The following EGLN2 variants were observed in gnomAD, a reference collection of about 807,000 sequenced individuals.
EGLN2 encodes the protein egl-9 family hypoxia inducible factor 2.
A neutral mutation model predicts 38.2 loss-of-function variants in EGLN2; 15 were observed. That is an observed-to-expected ratio of 0.39 (90% CI 0.26 to 0.60). EGLN2 has a LOEUF of 0.60. EGLN2 is among the 20% of genes least tolerant of loss of function. EGLN2 has a pLI of 0.50. For synonymous variants in EGLN2, 284 were observed against 237.4 expected (o/e 1.20, Z -1.81); for missense variants, 492 against 570.4 (o/e 0.86, Z 1.40).
Position 40,801,024 on chromosome 19 carries a change from G to T in EGLN2, c.452G>T (p.Ser151Ile). The T allele has an allele frequency of 6.2e-7, 1 of 1,613,090 alleles. No homozygotes were observed. Reference protein sequence around the residue: ...NQEAEREGGMSCSCSSGSGEA... With the variant: ...NQEAEREGGMICSCSSGSGEA... ...GAGGCAGAGCGGGAGGGTGGCATGAGCTGCAGCTGCAGCAGTGGCAGTGGT... is the reference window on the plus strand; with the variant it reads ...GAGGCAGAGCGGGAGGGTGGCATGATCTGCAGCTGCAGCAGTGGCAGTGGT... Residue 151 changes from serine to isoleucine, a missense_variant, in exon 2 of 6, where the codon AGC becomes ATC. Physicochemically the swap from Ser to Ile is moderately radical, Grantham distance 142 (BLOSUM62 -2). Coordinates refer to ENST00000303961, the MANE Select transcript of EGLN2 (RefSeq NM_080732.4).
intron 3 of EGLN2, 30 bp downstream of exon 3, chr19:40,806,704 G>T (rs1325144775): frequency 6.2e-7 from 1 of 1,610,060 alleles, no homozygotes; most frequent in Non-Finnish European, 8.5e-7. Context: ...TGAGGGTGGC[G>T]CTGGGGCTAG....
chr19:40,800,638 A>G lies in EGLN2; in HGVS notation c.66A>G (p.Ser22=), dbSNP rs751908056. ...TCCCTCAGTTACCAGGGTCTTCGTC[A>G]GAGCCCTTGGAGCCTGAGCCTGGCC... ...QALPQLPGSS[S]EPLEPEPGRA... Residue 22 remains serine (S), a synonymous_variant, in exon 2 of 6, where the codon TCA becomes TCG. Transcript: ENST00000303961. The G allele has an allele frequency of 3.1e-6, 5 of 1,613,906 alleles. No homozygotes were observed. In the South Asian group the frequency reaches 5.5e-5, roughly 18 times the overall value.
At chr19:40,806,368 G>C (rs777239571) in intron 2 of EGLN2, 187 bp from the exon 3 acceptor site, 18 of 1,210,994 alleles carry the variant, frequency 1.5e-5, no homozygotes, top group Non-Finnish European at 1.9e-5. Context: ...TGAGGTTTCT[G>C]ATAGACTTGG....
At chr19:40,807,788 C>G (rs1273553806) in intron 5 of EGLN2, 21 bp from the exon 6 acceptor site, 4 of 1,613,740 alleles carry the variant, frequency 2.5e-6, no homozygotes, top group Non-Finnish European at 2.5e-6. Context: ...CTCACTGTCT[C>G]CTGTCCCCTC....
chr19:40,804,984 A>G (rs1175673868), intron 2 of EGLN2: 1 of 152,240 alleles, frequency 6.6e-6, no homozygotes, highest in Non-Finnish European at 1.5e-5. Context: ...CTTAACATCC[A>G]CCACAGAGGG....
At chr19:40,807,314 C>G in intron 4 of EGLN2, 40 bp downstream of exon 4, 2 of 1,613,236 alleles carry the variant, frequency 1.2e-6, no homozygotes, top group Non-Finnish European at 1.7e-6. Flanking sequence ...AGGTGCTCCC[C>G]CTGTGACAAT....
rs745438271 is a variant in EGLN2, at chr19:40,807,541, G to A, written c.1158G>A (p.Lys386=). 3.1e-6 allele frequency: 5 copies of A among 1,614,056 alleles called. No individual in the cohort carries two copies. In the South Asian group the frequency reaches 5.5e-5, roughly 18 times the overall value. ...AGGAGCGGGCAGCAGCCAAAGACAA[G>A]TATCAGCTAGGTACCTGCTTCCCTC... ...DAKERAAAKD[K]YQLASGQKGV... The change falls in exon 5 of 6, where the codon AAG becomes AAA. Residue 386 remains lysine (K), a synonymous_variant. Transcript: ENST00000303961.
chr19:40,805,717 G>T (rs1463534453), intron 2 of EGLN2: 1 of 152,262 alleles, frequency 6.6e-6, no homozygotes, highest in Non-Finnish European at 1.5e-5. Context: ...TCAGGCAGAG[G>T]AAAGAACCCT....
At chr19:40,805,541 AC>A (rs1415458918) in intron 2 of EGLN2, 1 of 152,244 alleles carries the variant, frequency 6.6e-6, no homozygotes, top group Non-Finnish European at 1.5e-5. Flanking sequence ...GCCTGATGCC[AC>A]AGCTCATGTG....
intron 3 of EGLN2, 119 bp from the exon 4 acceptor site, chr19:40,807,019 G>A (rs974791581): frequency 1.4e-5 from 21 of 1,478,182 alleles, no homozygotes; most frequent in East Asian, 4.7e-5. Context: ...TTGAGAGCCC[G>A]AGGGGTGGGA....
chr19:40,799,342 T>TG lies in EGLN2; in HGVS notation c.-235+85dup, dbSNP rs376020782. On this transcript the variant is annotated intron_variant, in intron 1 of 5. Coordinates refer to ENST00000303961, the MANE Select transcript of EGLN2 (RefSeq NM_080732.4). ...GCGCCGGCGCGAACCGGGCGGGGTG[T>TG]GGGGGCGCGCGCCGGGGCCTGCCGG... 0.24 allele frequency: 30,432 copies of TG among 125,958 alleles called. 3,922 individuals are homozygous for TG. The highest frequency in any genetic ancestry group is 0.39 in the African/African-American group (13,913 of 35,282). The allele number at this position is 125,958 out of a possible 1,614,324, so 7.8% of individuals were successfully genotyped here. A position where few individuals can be genotyped will look rare whatever the true frequency, so the allele number is the denominator to read the frequency against.
chr19:40,799,329 A>C (rs2083232410), intron 1 of EGLN2, 67 bp downstream of exon 1: 5 of 132,670 alleles, frequency 3.8e-5, no homozygotes, highest in Non-Finnish European at 4.8e-5. Context: ...GCCGGCGCGA[A>C]CCGGGCGGGG....
Position 40,800,194 on chromosome 19 carries a change from C to T in EGLN2, c.-234-145C>T, listed in dbSNP as rs1314670667. 8 of 212,898 alleles carry T rather than the reference C, an allele frequency of 3.8e-5. No individual in the cohort carries two copies. The South Asian group carries it at 5.9e-4, about 16-fold the overall frequency. The allele number at this position is 212,898 out of a possible 1,614,324, so 13.2% of individuals were successfully genotyped here. A position where few individuals can be genotyped will look rare whatever the true frequency, so the allele number is the denominator to read the frequency against. On this transcript the variant is annotated intron_variant, in intron 1 of 5. Coordinates refer to ENST00000303961, the MANE Select transcript of EGLN2 (RefSeq NM_080732.4). Reference sequence around the variant, plus strand: ...CCTCCAGATTCTCAGGGTCCTCTCCCCGACTTGGCCTCAGGTTTTGGGGGG... The same window carrying T: ...CCTCCAGATTCTCAGGGTCCTCTCCTCGACTTGGCCTCAGGTTTTGGGGGG...
Position 40,800,394 on chromosome 19 carries a change from A to G in EGLN2, c.-179A>G. ...AGGGACCGCAGAGGACTTGGGGACC[A>G]GCAAGCAACCCCCAGGGCACGAGAA... On this transcript the variant is annotated 5_prime_UTR_variant, in exon 2 of 6. Transcript: ENST00000303961. The G allele has an allele frequency of 9.3e-6, 9 of 967,010 alleles. No individual in the cohort carries two copies. The highest frequency in any genetic ancestry group is 1.3e-5 in the Non-Finnish European group (9 of 677,410). 59.9% of individuals were successfully genotyped at this position (967,010 alleles called of 1,614,324 possible).
In EGLN2 at chr19:40,808,306, C is replaced by G; in HGVS notation, c.*442C>G. 2.4e-6 allele frequency: 1 copy of G among 412,796 alleles called. No individual in the cohort carries two copies. Among genetic ancestry groups the G allele is most frequent in the East Asian group, 3.5e-5 (1 of 28,336 alleles). 25.6% of individuals were successfully genotyped at this position (412,796 alleles called of 1,614,324 possible). Reference sequence around the variant, plus strand: ...CTGGAATGTGAAGTGACTCCCCAACCCCTTTGGCCATGGCAGGCACCTTTT... The same window carrying G: ...CTGGAATGTGAAGTGACTCCCCAACGCCTTTGGCCATGGCAGGCACCTTTT... On this transcript the variant is annotated 3_prime_UTR_variant, in exon 6 of 6. Coordinates refer to ENST00000303961, the MANE Select transcript of EGLN2 (RefSeq NM_080732.4).
Position 40,807,287 on chromosome 19 carries a change from C to T in EGLN2, c.1100+13C>T. 1 of 1,614,108 alleles carries T rather than the reference C, an allele frequency of 6.2e-7. No individual in the cohort carries two copies. ...CCTATGCCACCAGGTATGACCTGTA[C>T]TTCTGGAGACGCACCCAGGTGCTCC... On this transcript the variant is annotated intron_variant, in intron 4 of 5. Coordinates refer to ENST00000303961, the MANE Select transcript of EGLN2 (RefSeq NM_080732.4).
Position 40,800,729 on chromosome 19 carries a change from G to T in EGLN2, c.157G>T (p.Val53Leu). Residue 53 changes from valine to leucine, a missense_variant, in exon 2 of 6, where the codon GTG (valine) becomes TTG (leucine). By Grantham distance (32) the Val-to-Leu change is conservative. Around this residue, in one of 2 missense-constraint regions of EGLN2, gnomAD observed 378 missense variants for 386.2 expected, o/e 0.98. Transcript: ENST00000303961. ...GCTCCCCTCCTACCACTGTCCAGGA[G>T]TGCCTAGTGAGGCCTCGGCAGGGAG... ...PLLPSYHCPG[V>L]PSEASAGSGT... 1 of 1,614,036 alleles carries T rather than the reference G, an allele frequency of 6.2e-7. No individual in the cohort carries two copies. The highest frequency in any genetic ancestry group is 1.1e-5 in the South Asian group (1 of 91,080).
intron 5 of EGLN2, 26 bp from the exon 6 acceptor site, chr19:40,807,783 T>C (rs1407471361): frequency 6.2e-7 from 1 of 1,613,282 alleles, no homozygotes. Context: ...GATGACTCAC[T>C]GTCTCCTGTC....
At chr19:40,801,918 C>T (rs1204527887) in intron 2 of EGLN2, among the ~76,000 whole-genome samples, 1 of 151,976 alleles carries the variant, frequency 6.6e-6, no homozygotes, top group East Asian at 1.9e-4. Flanking sequence ...CTTGACTTTG[C>T]CAGGAACCCT....
Sources: gnomAD v4.1 joint callset for allele counts (sites outside exome capture counted in the v4.1 genomes callset) on GRCh38, gnomAD v4.1.1 for gene constraint, gnomAD v4.1.1 regional missense constraint, MANE v1.5 for transcripts, NCBI Gene and HGNC (gene_info 2026-07-23, HGNC 2026-07-21) for gene names.